SELENOT: variants seen among roughly 807,000 people sequenced by gnomAD.
SELENOT encodes the protein thioredoxin reductase-like selenoprotein T.
In SELENOT, 9 loss-of-function variants were observed where a neutral mutation model predicts 24.3. The ratio of observed to expected loss-of-function variants is 0.37; its 90% CI spans 0.22 to 0.65. The LOEUF is 0.65. Ranked by LOEUF, SELENOT falls within the 30% of genes least tolerant of loss-of-function variation. The probability of loss-of-function intolerance (pLI) is 0.60; values close to 1 mark genes in which losing one functional copy is unlikely to be tolerated. For missense variants in SELENOT, 166 were observed against 247.6 expected (o/e 0.67, Z 2.21); for synonymous variants, 81 against 86.0 (o/e 0.94, Z 0.32).
intron 1 of SELENOT, chr3:150,618,773 C>T (rs993867067): frequency 6.5e-6 from 1 of 152,760 alleles, no homozygotes; most frequent in Non-Finnish European, 1.5e-5. Flanking sequence ...AACCTCCTGC[C>T]TCAGCCTCCC....
At chr3:150,627,275 A>G in intron 5 of SELENOT, 112 bp downstream of exon 5, 3 of 817,266 alleles carry the variant, frequency 3.7e-6, no homozygotes, top group South Asian at 4.7e-5. Flanking sequence ...AAGATTAAAC[A>G]GAGGGATGTA....
At chr3:150,621,093 T>G (rs1726332232) in intron 1 of SELENOT, among the ~76,000 whole-genome samples, 1 of 152,160 alleles carries the variant, frequency 6.6e-6, no homozygotes, top group Non-Finnish European at 1.5e-5. Flanking sequence ...ATGGTAATAA[T>G]AAAACATTAG....
rs1440307628 is a variant in SELENOT at position 150,615,949 on chromosome 3, A to G, written c.138-6436A>G. ...GCATCACACTGCCTGACTTCAAACT[A>G]TACTACAAGGCTACAGTAACCAAAA... On this transcript the variant is annotated intron_variant, in intron 1 of 5. Transcript: ENST00000471696. 2.6e-5 allele frequency among the ~76,000 whole-genome samples: 4 copies of G among 151,870 alleles called. No homozygotes were observed. The East Asian group carries it at 7.7e-4, about 29-fold the overall frequency.
chr3:150,623,022 T>C (rs1382207858), intron 2 of SELENOT, 21 bp from the exon 3 acceptor site: 1 of 1,502,842 alleles, frequency 6.7e-7, no homozygotes, highest in Non-Finnish European at 8.9e-7. Context: ...TCTGATGATT[T>C]TCTTTCTTTT....
At chr3:150,619,399 G>C (rs1257797405) in intron 1 of SELENOT, among the ~76,000 whole-genome samples, 1 of 151,842 alleles carries the variant, frequency 6.6e-6, no homozygotes, top group African/African-American at 2.4e-5. Context: ...AGCTGGGCAC[G>C]GCGGCGGGCG....
At chr3:150,626,945 G>A (rs1440415052) in intron 4 of SELENOT, 65 bp from the exon 5 acceptor site, 1 of 1,499,212 alleles carries the variant, frequency 6.7e-7, no homozygotes, top group Non-Finnish European at 9.1e-7. Flanking sequence ...AAATATTAGT[G>A]GGATGAATGC....
chr3:150,626,648 A>G (rs1218957975), intron 4 of SELENOT, among the ~76,000 whole-genome samples: 4 of 151,912 alleles, frequency 2.6e-5, no homozygotes, highest in Non-Finnish European at 5.9e-5. Flanking sequence ...CTCTCCCTCA[A>G]AGGTTTTCTA....
chr3:150,605,838 C>T (rs1010263311), intron 1 of SELENOT, among the ~76,000 whole-genome samples: 1 of 152,138 alleles, frequency 6.6e-6, no homozygotes, highest in Non-Finnish European at 1.5e-5. Context: ...GAAGCTAATA[C>T]GTTTGAGGAT....
At chr3:150,619,750 T>A (rs529915924) in intron 1 of SELENOT, among the ~76,000 whole-genome samples, 1 of 152,230 alleles carries the variant, frequency 6.6e-6, no homozygotes, top group Admixed American at 6.5e-5. Context: ...ACTAGCTCTT[T>A]ACCATGTATA....
At chr3:150,619,792 AT>A (rs1191591825) in intron 1 of SELENOT, among the ~76,000 whole-genome samples, 4 of 152,320 alleles carry the variant, frequency 2.6e-5, no homozygotes, top group African/African-American at 9.6e-5. Flanking sequence ...GGTATGTTAC[AT>A]TTTGGAAGAC....
intron 1 of SELENOT, among the ~76,000 whole-genome samples, chr3:150,621,338 A>G (rs1726339496): frequency 6.6e-6 from 1 of 152,164 alleles, no homozygotes; most frequent in African/African-American, 2.4e-5. Flanking sequence ...TTACCGTGTC[A>G]GATAGAAACT....
chr3:150,627,503 C>G (rs1364067313), intron 5 of SELENOT, among the ~76,000 whole-genome samples, 156 bp from the exon 6 acceptor site: 4 of 152,112 alleles, frequency 2.6e-5, no homozygotes, highest in African/African-American at 7.2e-5. Flanking sequence ...TATGCAAATT[C>G]TTTGAACATA....
In SELENOT at chr3:150,603,322, C is replaced by A. The variant is rs779166236; in HGVS notation, c.-41C>A. On this transcript the variant is annotated 5_prime_UTR_variant, in exon 1 of 6. Transcript: ENST00000471696. The stretch of plus-strand genomic sequence containing the variant: ...TCGCTCCTGGGCTTTGGGCTGGCTG[C>A]AGTCTGTCTGAGGGCGGCCGAAGTG... 5 of 1,591,292 alleles carry A rather than the reference C, an allele frequency of 3.1e-6. No individual in the cohort carries two copies. Among genetic ancestry groups the A allele is most frequent in the Middle Eastern group, 1.7e-4 (1 of 5,888 alleles).
chr3:150,608,074 AG>A (rs1295200561), intron 1 of SELENOT, among the ~76,000 whole-genome samples: 1 of 152,060 alleles, frequency 6.6e-6, no homozygotes, highest in East Asian at 1.9e-4. Flanking sequence ...GGGGAAAGAG[AG>A]GTGGCATGAA....
chr3:150,613,889 G>A (rs1314760763), intron 1 of SELENOT, among the ~76,000 whole-genome samples: 1 of 152,054 alleles, frequency 6.6e-6, no homozygotes, highest in Non-Finnish European at 1.5e-5. Flanking sequence ...GGTAGAGATA[G>A]ATATGTTACT....
chr3:150,622,538 CT>C, intron 2 of SELENOT, 43 bp downstream of exon 2: 1 of 988,126 alleles, frequency 1.0e-6, no homozygotes, highest in Non-Finnish European at 1.4e-6. Context: ...ATGTATTTGA[CT>C]TTATAAGTGT....
At chr3:150,606,848 C>T (rs1725976905) in intron 1 of SELENOT, among the ~76,000 whole-genome samples, 2 of 152,220 alleles carry the variant, frequency 1.3e-5, no homozygotes. Context: ...CCCACCTTGG[C>T]GTCCCAAAGT....
intron 1 of SELENOT, among the ~76,000 whole-genome samples, chr3:150,608,434 TG>T (rs1197327470): frequency 6.6e-6 from 1 of 152,206 alleles, no homozygotes; most frequent in East Asian, 1.9e-4. Context: ...ATAAATCCTG[TG>T]GCTTTTTTTG....
chr3:150,609,049 A>G (rs542839709), intron 1 of SELENOT, among the ~76,000 whole-genome samples: 10 of 152,160 alleles, frequency 6.6e-5, no homozygotes, highest in Non-Finnish European at 1.3e-4. Flanking sequence ...GAGTGGTGAG[A>G]GTAGACATCC....
Sources: gnomAD v4.1 joint callset for allele counts (sites outside exome capture counted in the v4.1 genomes callset) on GRCh38, gnomAD v4.1.1 for gene constraint, MANE v1.5 for transcripts, NCBI Gene and HGNC (gene_info 2026-07-23, HGNC 2026-07-21) for gene names.